The following BRI3 variants were observed in gnomAD, a reference collection of about 807,000 sequenced individuals.
BRI3 encodes brain protein I3.
Under a neutral mutation model 12.8 loss-of-function variants are expected in BRI3, and 6 were observed. The observed-to-expected ratio is 0.47, with a 90% CI of 0.26 to 0.93. BRI3 has a LOEUF of 0.93. Ranked by LOEUF, BRI3 falls within the 40% of genes least tolerant of loss-of-function variation. The pLI is 0.15. For synonymous variants in BRI3, 91 were observed against 76.1 expected, an observed-to-expected ratio of 1.20 and a Z score of -1.02; for missense variants, 134 against 171.1, an observed-to-expected ratio of 0.78 and a Z score of 1.21.
intron 1 of BRI3, among the ~76,000 whole-genome samples, chr7:98,297,969 G>A (rs1217808177): frequency 3.3e-5 from 5 of 152,238 alleles, no homozygotes; most frequent in African/African-American, 2.4e-5. Context: ...AGTGGCTCAC[G>A]CCTGTAATCC....
At chr7:98,318,359 C>T in the BRI3 span, among the ~76,000 whole-genome samples, 6 of 152,058 alleles carry the variant, frequency 3.9e-5, no homozygotes, top group Non-Finnish European at 7.3e-5. Flanking sequence ...GCTGAGATCG[C>T]GCCACTGCAC....
upstream of BRI3, among the ~76,000 whole-genome samples, chr7:98,305,223 A>G (rs1800607877): frequency 6.6e-6 from 1 of 151,370 alleles, no homozygotes; most frequent in African/African-American, 2.4e-5. Context: ...ACAAAAGGAG[A>G]GGAAACCTTT....
chr7:98,321,806 T>C, the BRI3 span, among the ~76,000 whole-genome samples: 61,263 of 152,002 alleles, frequency 0.4, 13,314 homozygotes, highest in Middle Eastern at 0.55. Flanking sequence ...CAGATAAAAA[T>C]GAATTCCAGG....
At chr7:98,294,187 T>C, downstream of BRI3, 1 of 1,491,996 alleles carries the variant, frequency 6.7e-7, no homozygotes, top group South Asian at 1.2e-5. Context: ...GAGATGGGGA[T>C]TTGCTATGTT....
chr7:98,287,911 T>C (rs549574070), intron 2 of BRI3, among the ~76,000 whole-genome samples: 1 of 152,266 alleles, frequency 6.6e-6, no homozygotes, highest in East Asian at 1.9e-4. Context: ...CTCCCAGGCA[T>C]CTCTGGGCCT....
intron 2 of BRI3, among the ~76,000 whole-genome samples, chr7:98,287,216 G>A (rs919092503): frequency 1.3e-5 from 2 of 152,240 alleles, no homozygotes; most frequent in African/African-American, 4.8e-5. Flanking sequence ...AGAGACCCGG[G>A]GGCCTTGGCC....
the BRI3 span, among the ~76,000 whole-genome samples, chr7:98,316,667 T>C: frequency 1.3e-5 from 2 of 152,224 alleles, no homozygotes; most frequent in Admixed American, 1.3e-4. Context: ...TTTGAAATAA[T>C]GCATCGCTGT....
chr7:98,309,007 G>A (rs1800772587), exon 2 of BRI3: 1 of 151,404 alleles, frequency 6.6e-6, no homozygotes, highest in Non-Finnish European at 1.5e-5. Flanking sequence ...AATTTTCCCA[G>A]GCTAGTAATA....
downstream of BRI3, among the ~76,000 whole-genome samples, chr7:98,296,031 G>C (rs1800174343): frequency 6.6e-6 from 1 of 152,124 alleles, no homozygotes; most frequent in South Asian, 2.1e-4. Context: ...GGCAGCCCTG[G>C]AGAAACAGCC....
intron 1 of BRI3, among the ~76,000 whole-genome samples, chr7:98,298,711 G>A (rs1800293339): frequency 6.6e-6 from 1 of 152,194 alleles, no homozygotes; most frequent in Admixed American, 6.5e-5. Flanking sequence ...ATCATCAGCT[G>A]GTTTAGGCAT....
chr7:98,295,344 G>A (rs1211351094), downstream of BRI3, among the ~76,000 whole-genome samples: 2 of 152,150 alleles, frequency 1.3e-5, no homozygotes, highest in Non-Finnish European at 2.9e-5. Context: ...TTCATTGTCT[G>A]CTTTTCATCA....
chr7:98,311,954 A>G, downstream of BRI3: 1 of 791,038 alleles, frequency 1.3e-6, no homozygotes, highest in Non-Finnish European at 2.0e-6. Context: ...CTTCGCCCCT[A>G]AAGGTAAGGG....
downstream of BRI3, among the ~76,000 whole-genome samples, chr7:98,296,369 T>C (rs1800192208): frequency 6.6e-6 from 1 of 152,238 alleles, no homozygotes; most frequent in African/African-American, 2.4e-5. Context: ...CTCATGCCTG[T>C]AATCCCAGCA....
chr7:98,312,689 C>T (rs753634564), downstream of BRI3, among the ~76,000 whole-genome samples: 3 of 152,210 alleles, frequency 2.0e-5, no homozygotes, highest in African/African-American at 4.8e-5. Context: ...GTAGTTGACT[C>T]TGACCGATTC....
At position 98,281,760 on chromosome 7, in the gene BRI3, G is replaced by A. The variant is rs1014098851; in HGVS notation, c.-36G>A. On this transcript the variant is annotated 5_prime_UTR_variant, in exon 1 of 3. Transcript: ENST00000297290. ...GTCCCCCGCCGGGGCCGACCGAGCC[G>A]AGCCGGGCCGGAGCGGCGGGCGCGG... is the stretch of plus-strand genomic sequence containing the variant. The A allele has an allele frequency of 2.0e-6, 2 of 1,023,442 alleles. No individual in the cohort carries two copies. Among genetic ancestry groups the A allele is most frequent in the South Asian group, 4.5e-5 (1 of 22,260 alleles). 63.4% of individuals were successfully genotyped at this position (1,023,442 alleles called of 1,614,324 possible).
downstream of BRI3, chr7:98,292,912 G>A (rs961539203): frequency 4.3e-6 from 6 of 1,406,644 alleles, no homozygotes; most frequent in East Asian, 2.6e-5. Context: ...GCTGTGATAA[G>A]GGCAGGCAAA....
At chr7:98,322,655 C>T in the BRI3 span, among the ~76,000 whole-genome samples, 1 of 152,154 alleles carries the variant, frequency 6.6e-6, no homozygotes, top group African/African-American at 2.4e-5. Context: ...GCGGAGGATT[C>T]TCCCATCCAC....
At chr7:98,310,743 G>A (rs1445287306), downstream of BRI3, 2 of 605,402 alleles carry the variant, frequency 3.3e-6, no homozygotes, top group Non-Finnish European at 5.1e-6. Flanking sequence ...CTGGAGTACA[G>A]TGGCACGATC....
chr7:98,292,736 G>C, downstream of BRI3: 3 of 1,551,450 alleles, frequency 1.9e-6, no homozygotes, highest in Middle Eastern at 1.7e-4. Context: ...GAGTGTACTG[G>C]TAATGGATGC....
Sources: gnomAD v4.1 joint callset for allele counts (sites outside exome capture counted in the v4.1 genomes callset) on GRCh38, gnomAD v4.1.1 for gene constraint, MANE v1.5 for transcripts, NCBI Gene and HGNC (gene_info 2026-07-23, HGNC 2026-07-21) for gene names.